ATG5: variants seen among roughly 807,000 people sequenced by gnomAD.
ATG5 encodes autophagy protein 5.
In ATG5, 14 loss-of-function variants were observed where a neutral mutation model predicts 36.5. That is an observed-to-expected ratio of 0.38 (90% CI 0.25 to 0.60). ATG5 has a LOEUF of 0.60. ATG5 is among the 20% of genes least tolerant of loss of function. The pLI, the probability that ATG5 is intolerant of heterozygous loss-of-function variation, is 0.60. For missense variants in ATG5, 195 were observed against 326.7 expected, an observed-to-expected ratio of 0.60 and a Z score of 3.11; for synonymous variants, 95 against 101.5, an observed-to-expected ratio of 0.94 and a Z score of 0.38.
At chr6:106,312,545 T>A (rs1361076205) in intron 2 of ATG5, among the ~76,000 whole-genome samples, 1 of 142,350 alleles carries the variant, frequency 7.0e-6, no homozygotes, top group Non-Finnish European at 1.5e-5. Flanking sequence ...AAAAGTGAAG[T>A]GAAAAAAAAG....
intron 5 of ATG5, chr6:106,271,741 A>G (rs1779461805): frequency 6.6e-6 from 1 of 152,146 alleles, no homozygotes; most frequent in Non-Finnish European, 1.5e-5. Flanking sequence ...TTTGCATCCC[A>G]CAAGAACTAG....
chr6:106,293,837 A>C (rs1367523179), intron 3 of ATG5, among the ~76,000 whole-genome samples: 1 of 152,244 alleles, frequency 6.6e-6, no homozygotes, highest in East Asian at 1.9e-4. Flanking sequence ...ATTTCAATGG[A>C]CAAACCTTAA....
intron 3 of ATG5, among the ~76,000 whole-genome samples, chr6:106,305,290 T>G (rs1158752112): frequency 6.6e-6 from 1 of 152,178 alleles, no homozygotes; most frequent in African/African-American, 2.4e-5. Flanking sequence ...TATGTACTAT[T>G]TCTTTAAAAA....
chr6:106,286,880 T>G (rs1780102075), intron 4 of ATG5, among the ~76,000 whole-genome samples: 1 of 152,126 alleles, frequency 6.6e-6, no homozygotes, highest in Non-Finnish European at 1.5e-5. Flanking sequence ...TACAAGTGGA[T>G]TCTCCCTCAG....
chr6:106,294,845 G>GAAAAAAAAAAAAAAAA (rs1219794619), intron 3 of ATG5, among the ~76,000 whole-genome samples: 8 of 85,952 alleles, frequency 9.3e-5, no homozygotes, highest in Admixed American at 1.3e-4. Context: ...CTTTTCTCAA[G>GAAAAAAAAAAAAAAAA]AAAAAAAAAA....
chr6:106,212,565 T>C (rs1324823307), intron 6 of ATG5, among the ~76,000 whole-genome samples: 1 of 152,050 alleles, frequency 6.6e-6, no homozygotes, highest in Non-Finnish European at 1.5e-5. Context: ...CTTGATCCTG[T>C]GAGGCGGAGG....
intron 6 of ATG5, among the ~76,000 whole-genome samples, chr6:106,245,748 T>C (rs1297574304): frequency 6.6e-6 from 1 of 152,180 alleles, no homozygotes; most frequent in Admixed American, 6.5e-5. Context: ...TAAATTTACT[T>C]AGTAACTTAA....
intron 6 of ATG5, among the ~76,000 whole-genome samples, chr6:106,211,353 G>A (rs1378956149): frequency 6.6e-6 from 1 of 152,188 alleles, no homozygotes; most frequent in East Asian, 1.9e-4. Flanking sequence ...AGGTGCTGGG[G>A]GAGTCTCCTA....
At chr6:106,284,166 A>G (rs894720147) in intron 4 of ATG5, among the ~76,000 whole-genome samples, 5 of 152,230 alleles carry the variant, frequency 3.3e-5, no homozygotes, top group African/African-American at 1.2e-4. Context: ...TTTGCATATC[A>G]GAATTACATA....
chr6:106,289,402 G>GA (rs36079781), intron 4 of ATG5, among the ~76,000 whole-genome samples: 13,036 of 143,256 alleles, frequency 0.091, 584 homozygotes, highest in South Asian at 0.13. Flanking sequence ...AGTATATACA[G>GA]AAAAAAAAAA....
At chr6:106,320,168 A>G (rs1771006564) in intron 1 of ATG5, among the ~76,000 whole-genome samples, 1 of 152,256 alleles carries the variant, frequency 6.6e-6, no homozygotes, top group Non-Finnish European at 1.5e-5. Context: ...CTAATCTCAC[A>G]TTCTTTCCAT....
At chr6:106,196,242 G>T (rs1776184433) in intron 7 of ATG5, among the ~76,000 whole-genome samples, 1 of 152,102 alleles carries the variant, frequency 6.6e-6, no homozygotes. Context: ...AACACAAATT[G>T]AAGACTAAGA....
intron 6 of ATG5, among the ~76,000 whole-genome samples, chr6:106,244,975 T>C (rs1778273592): frequency 6.6e-6 from 1 of 152,236 alleles, no homozygotes; most frequent in Non-Finnish European, 1.5e-5. Flanking sequence ...AATGCCTTCA[T>C]TAATCACCAC....
chr6:106,202,170 T>C (rs1220083657), intron 6 of ATG5, 81 bp from the exon 7 acceptor site: 2 of 1,088,408 alleles, frequency 1.8e-6, no homozygotes, highest in South Asian at 1.3e-5. Context: ...ATAAACTTTA[T>C]GTTGGCATTA....
At chr6:106,308,992 T>A (rs1383715577) in intron 2 of ATG5, among the ~76,000 whole-genome samples, 2 of 151,714 alleles carry the variant, frequency 1.3e-5, no homozygotes, top group Non-Finnish European at 2.9e-5. Flanking sequence ...AAAAAAACAG[T>A]ATGAAGAACC....
intron 6 of ATG5, among the ~76,000 whole-genome samples, chr6:106,213,734 T>G (rs1278611093): frequency 3.3e-5 from 5 of 152,192 alleles, no homozygotes; most frequent in African/African-American, 4.8e-5. Context: ...ACTGTGTATC[T>G]AGAGCAAATT....
rs181315528 is a variant in ATG5 at position 106,292,889 on chromosome 6, A to T, written c.315+139T>A. 3.4e-5 allele frequency: 22 copies of T among 649,676 alleles called. No homozygotes were observed. In the East Asian group the frequency reaches 6.0e-4, roughly 18 times the overall value. 40.2% of individuals were successfully genotyped at this position (649,676 alleles called of 1,614,324 possible). A position where few individuals can be genotyped will look rare whatever the true frequency, so the allele number is the denominator to read the frequency against. ...AAAAATTGAAAAGTATCTTATAGAC[A>T]AATACTAATCGAAGCTTAGCAACTA... On this transcript the variant is annotated intron_variant, in intron 4 of 7. Coordinates refer to ENST00000369076, the MANE Select transcript of ATG5 (RefSeq NM_004849.4).
chr6:106,297,727 C>CAT (rs1452618574), intron 3 of ATG5, among the ~76,000 whole-genome samples: 2 of 109,362 alleles, frequency 1.8e-5, no homozygotes, highest in East Asian at 2.5e-4. Flanking sequence ...AACACACACA[C>CAT]ACACACACAC....
chr6:106,249,999 CT>C (rs1283726678), intron 5 of ATG5, among the ~76,000 whole-genome samples: 2 of 152,130 alleles, frequency 1.3e-5, no homozygotes, highest in Non-Finnish European at 2.9e-5. Context: ...ATACAAACCC[CT>C]TATCTATGAC....
Sources: allele counts gnomAD v4.1 joint callset (sites outside exome capture counted in the v4.1 genomes callset), GRCh38; gene constraint gnomAD v4.1.1; transcripts MANE v1.5; gene names NCBI Gene and HGNC (gene_info 2026-07-23, HGNC 2026-07-21).